ANKRD36B: variants seen among roughly 807,000 people sequenced by gnomAD.
The protein encoded by ANKRD36B is ankyrin repeat domain 36B, also known as ankyrin repeat domain-containing protein 36B.
A neutral mutation model predicts 135.7 loss-of-function variants in ANKRD36B; 37 were observed. That is an observed-to-expected ratio of 0.27 (90% CI 0.21 to 0.36). ANKRD36B has a LOEUF of 0.36. Among genes scored for constraint, ANKRD36B ranks in the 10% least tolerant of loss-of-function variants. The pLI is 1.00. For missense variants in ANKRD36B, 549 were observed against 1,037.1 expected, an observed-to-expected ratio of 0.53 and a Z score of 6.46; for synonymous variants, 179 against 348.1, an observed-to-expected ratio of 0.51 and a Z score of 5.41.
At chr2:97,551,520 T>A (rs1468330702) in intron 16 of ANKRD36B, 40 bp from the exon 17 acceptor site, 3 of 1,606,108 alleles carry the variant, frequency 1.9e-6, no homozygotes, top group Non-Finnish European at 2.5e-6. Flanking sequence ...CATATGTAAC[T>A]ATGACAAAGT....
In ANKRD36B at chr2:97,529,482, G is replaced by T. The variant is rs1368953563; in HGVS notation, c.2265+2829C>A. Among the ~76,000 whole-genome samples, 18 of 92,938 alleles carry T rather than the reference G, an allele frequency of 1.9e-4. 6 individuals are homozygous for T. Among genetic ancestry groups the T allele is most frequent in the African/African-American group, 5.2e-4 (16 of 30,984 alleles). 61.0% of individuals were successfully genotyped at this position (92,938 alleles called of 152,430 possible). A position where few individuals can be genotyped will look rare whatever the true frequency, so the allele number is the denominator to read the frequency against. On this transcript the variant is annotated intron_variant, in intron 35 of 43. Transcript: ENST00000359901. ...GGCAAAAACTGGAAGCATTCCCTTT[G>T]AAAACTGGCACAAGACAGGGATGCC...
chr2:97,555,284 CAT>C (rs1287607459), intron 12 of ANKRD36B, 30 bp from the exon 13 acceptor site: 2 of 1,609,702 alleles, frequency 1.2e-6, no homozygotes, highest in Admixed American at 1.7e-5. Flanking sequence ...CATAATCACT[CAT>C]ATGTAAATAT....
At chr2:97,527,647 A>G (rs558994201) in intron 35 of ANKRD36B, among the ~76,000 whole-genome samples, 1 of 96,228 alleles carries the variant, frequency 1.0e-5, no homozygotes, top group South Asian at 2.4e-4. Context: ...AGTGTGCTGT[A>G]TTCAGGAAAC....
chr2:97,551,420 C>A, intron 17 of ANKRD36B, 32 bp downstream of exon 17: 1 of 1,606,118 alleles, frequency 6.2e-7, no homozygotes, highest in Non-Finnish European at 8.5e-7. Flanking sequence ...TATACGTTTA[C>A]TAGCTCACAA....
chr2:97,553,302 A>T (rs1445831707), intron 15 of ANKRD36B, 41 bp downstream of exon 15: 1 of 1,607,446 alleles, frequency 6.2e-7, no homozygotes, highest in Non-Finnish European at 8.5e-7. Flanking sequence ...TTCATAGACT[A>T]TAGATTTACT....
rs776810159 is a variant in ANKRD36B, at chr2:97,536,084, CA to C, written c.2191+215del. Among the ~76,000 whole-genome samples, 618 of 79,398 alleles carry C rather than the reference CA, an allele frequency of 7.8e-3. 151 individuals carry two copies. In the East Asian group the frequency reaches 0.08, roughly 10 times the overall value. The allele number at this position is 79,398 out of a possible 152,430, so 52.1% of individuals were successfully genotyped here. On this transcript the variant is annotated intron_variant, in intron 34 of 43. Coordinates refer to ENST00000359901, the MANE Select transcript of ANKRD36B (RefSeq NM_001393939.1). ...CTGTCTCCAAAAACAAAAAACAAAA[CA>C]AAAAAAAAAACCTTATGTTTTAAAA...
At chr2:97,574,661 G>C (rs960819466) in intron 6 of ANKRD36B, among the ~76,000 whole-genome samples, 53 of 152,286 alleles carry the variant, frequency 3.5e-4, no homozygotes, top group African/African-American at 1.2e-3. Flanking sequence ...ATGTTGGAGA[G>C]AGTCGGGATG....
intron 6 of ANKRD36B, among the ~76,000 whole-genome samples, chr2:97,567,002 T>G (rs2081488843): frequency 6.6e-6 from 1 of 151,956 alleles, no homozygotes; most frequent in South Asian, 2.1e-4. Context: ...CCTCCAGAAC[T>G]TCTAATCAAC....
intron 6 of ANKRD36B, among the ~76,000 whole-genome samples, chr2:97,565,510 GAACA>G (rs934907593): frequency 2.0e-5 from 3 of 152,054 alleles, no homozygotes; most frequent in African/African-American, 7.2e-5. Context: ...TACAAGAAAA[GAACA>G]AACAATCTCA....
intron 43 of ANKRD36B, among the ~76,000 whole-genome samples, chr2:97,496,833 GTATATA>G (rs56775263): frequency 0.038 from 2,366 of 62,064 alleles, 788 homozygotes; most frequent in Non-Finnish European, 0.055. Context: ...ATATGTGTGT[GTATATA>G]TATATATATA....
intron 8 of ANKRD36B, among the ~76,000 whole-genome samples, chr2:97,559,628 C>A (rs1474012858): frequency 6.6e-6 from 1 of 151,914 alleles, no homozygotes; most frequent in African/African-American, 2.4e-5. Flanking sequence ...CTGAAAGTTT[C>A]TTCATCCACT....
At chr2:97,562,757 CAT>C (rs1487296394) in intron 6 of ANKRD36B, among the ~76,000 whole-genome samples, 1 of 152,070 alleles carries the variant, frequency 6.6e-6, no homozygotes, top group Non-Finnish European at 1.5e-5. Flanking sequence ...CATTCTGACA[CAT>C]GTGAAGATAA....
intron 6 of ANKRD36B, among the ~76,000 whole-genome samples, chr2:97,573,654 G>A (rs1187663142): frequency 6.6e-6 from 1 of 152,164 alleles, no homozygotes; most frequent in Admixed American, 6.5e-5. Context: ...CAAGGCTAGA[G>A]TAACCAAAAC....
Position 97,569,986 on chromosome 2 carries a change from C to T in ANKRD36B, c.763+6393G>A, listed in dbSNP as rs2081731559. ...AACAAAATATAAAACAAAACTGAAC[C>T]ATCTACATAATTAAAATGAAACAAA... On this transcript the variant is annotated intron_variant, in intron 6 of 43. Coordinates refer to ENST00000359901, the MANE Select transcript of ANKRD36B (RefSeq NM_001393939.1). Among the ~76,000 whole-genome samples the T allele has an allele frequency of 1.1e-4, 17 of 152,028 alleles. 2 individuals carry two copies. The South Asian group carries it at 3.5e-3, about 32-fold the overall frequency.
intron 12 of ANKRD36B, among the ~76,000 whole-genome samples, chr2:97,556,719 T>C (rs2080561183): frequency 6.6e-6 from 1 of 151,898 alleles, no homozygotes; most frequent in Non-Finnish European, 1.5e-5. Flanking sequence ...GGTTCTTCTA[T>C]CCAATTTCAA....
rs763415744 is a variant in ANKRD36B at position 97,553,183 on chromosome 2, C to G, written c.1258G>C (p.Glu420Gln). Reference protein sequence around the residue: ...SNIATEIKDGEKSGTVSSQKK... With the variant: ...SNIATEIKDGQKSGTVSSQKK... ...GCAAAATTACCTGTCCCAGATTTTT[C>G]TCCATCCTTTATTTCTGTGGCTATA... Residue 420 changes from glutamate (E) to glutamine (Q), a missense_variant, in exon 16 of 44, where the codon GAA becomes CAA. Glu to Gln is a conservative substitution (Grantham distance 29). Transcript: ENST00000359901. 11 of 1,611,138 alleles carry G rather than the reference C, an allele frequency of 6.8e-6. No individual in the cohort carries two copies. Among genetic ancestry groups the G allele is most frequent in the Non-Finnish European group, 9.3e-6 (11 of 1,178,626 alleles).
rs554304314 is a variant in ANKRD36B at position 97,564,968 on chromosome 2, T to A, written c.764-4108A>T. 1.1e-3 allele frequency among the ~76,000 whole-genome samples: 173 copies of A among 152,280 alleles called. 1 individual carries two copies. The highest frequency in any genetic ancestry group is 3.9e-3 in the African/African-American group (164 of 41,554). On this transcript the variant is annotated intron_variant, in intron 6 of 43. Coordinates refer to ENST00000359901, the MANE Select transcript of ANKRD36B (RefSeq NM_001393939.1). ...AACCTACAAATTACTTTGGGCAGTA[T>A]GGCCATTTTCAAGATATTGATTCTT...
intron 6 of ANKRD36B, among the ~76,000 whole-genome samples, chr2:97,573,874 T>C (rs2082053277): frequency 6.6e-6 from 1 of 152,184 alleles, no homozygotes; most frequent in African/African-American, 2.4e-5. Flanking sequence ...TTACATCTTA[T>C]ACAAAAATTA....
chr2:97,547,656 T>A (rs2079600789), intron 21 of ANKRD36B, 47 bp downstream of exon 21: 1 of 1,555,064 alleles, frequency 6.4e-7, no homozygotes, highest in African/African-American at 1.4e-5. Flanking sequence ...GTATGTTTCA[T>A]AGACTATACA....
Sources: allele counts gnomAD v4.1 joint callset (sites outside exome capture counted in the v4.1 genomes callset), GRCh38; gene constraint gnomAD v4.1.1; transcripts MANE v1.5; gene names NCBI Gene and HGNC (gene_info 2026-07-23, HGNC 2026-07-21).